The following MPP7 variants were observed in gnomAD, a reference collection of about 807,000 sequenced individuals.
MPP7 encodes MAGUK p55 subfamily member 7.
In MPP7, 60 loss-of-function variants were observed where a neutral mutation model predicts 76.5. The ratio of observed to expected loss-of-function variants is 0.78; its 90% CI spans 0.64 to 0.97. The LOEUF (loss-of-function observed/expected upper bound fraction) is 0.97, where lower values mean the gene tolerates loss of function less well. Among genes scored for constraint, MPP7 ranks in the 50% least tolerant of loss-of-function variants. MPP7 has a pLI of 0.00. For missense variants in MPP7, 641 were observed against 694.0 expected, an observed-to-expected ratio of 0.92 and a Z score of 0.86; for synonymous variants, 237 against 244.5, an observed-to-expected ratio of 0.97 and a Z score of 0.29.
intron 8 of MPP7, among the ~76,000 whole-genome samples, chr10:28,122,033 T>G (rs1834858965): frequency 6.6e-6 from 1 of 152,196 alleles, no homozygotes; most frequent in South Asian, 2.1e-4. Context: ...TAATAGAATT[T>G]TATAAAGGGT....
chr10:28,118,536 C>G (rs56141811), intron 11 of MPP7: 66,870 of 985,306 alleles, frequency 0.068, 2,437 homozygotes, highest in Non-Finnish European at 0.075. Context: ...AGCCTCAAAG[C>G]TCCTTTCTGT....
At chr10:28,057,561 C>T in intron 15 of MPP7, 1 of 310,218 alleles carries the variant, frequency 3.2e-6, no homozygotes, top group South Asian at 1.3e-4. Context: ...ATGCCAGCAT[C>T]ACGCTTCCTG....
intron 3 of MPP7, among the ~76,000 whole-genome samples, chr10:28,194,336 C>G (rs954107624): frequency 3.0e-4 from 45 of 152,170 alleles, no homozygotes; most frequent in African/African-American, 1.0e-3. Context: ...AAAAGCTAGT[C>G]TTACCACATG....
At chr10:28,204,825 G>A (rs1345913798) in intron 2 of MPP7, among the ~76,000 whole-genome samples, 1 of 152,116 alleles carries the variant, frequency 6.6e-6, no homozygotes, top group Admixed American at 6.5e-5. Context: ...CAATTCAATG[G>A]TTCAAAGTCA....
chr10:28,279,592 C>A (rs1359783376), intron 1 of MPP7, among the ~76,000 whole-genome samples: 5 of 151,686 alleles, frequency 3.3e-5, no homozygotes, highest in African/African-American at 1.2e-4. Flanking sequence ...ATAATCCCAG[C>A]AACTCAGGAG....
At chr10:28,131,305 G>A (rs1835183171) in intron 6 of MPP7, among the ~76,000 whole-genome samples, 1 of 152,052 alleles carries the variant, frequency 6.6e-6, no homozygotes, top group Non-Finnish European at 1.5e-5. Flanking sequence ...AACCATGCTT[G>A]GTACATGTTA....
chr10:28,201,911 T>C lies in MPP7; in HGVS notation c.156+242A>G, dbSNP rs183111504. On this transcript the variant is annotated intron_variant, in intron 3 of 16. Coordinates refer to ENST00000683449, the MANE Select transcript of MPP7 (RefSeq NM_001318170.2). ...TCCTGCTACTATTTCATATTCTTTC[T>C]CTAAACAAGGGGGTGACCACATGGT... 1.4e-3 allele frequency among the ~76,000 whole-genome samples: 214 copies of C among 152,330 alleles called. 1 individual carries two copies. Among genetic ancestry groups the C allele is most frequent in the African/African-American group, 5.0e-3 (208 of 41,582 alleles).
At chr10:28,147,230 A>C (rs922408376) in intron 5 of MPP7, among the ~76,000 whole-genome samples, 2 of 152,212 alleles carry the variant, frequency 1.3e-5, no homozygotes, top group Admixed American at 1.3e-4. Context: ...TTTACTTAAA[A>C]CAAAAATGAC....
intron 1 of MPP7, among the ~76,000 whole-genome samples, chr10:28,262,160 A>G: frequency 7.2e-6 from 1 of 139,588 alleles, no homozygotes; most frequent in Admixed American, 7.4e-5. Context: ...AAAAAAAAGA[A>G]AAAGGAAATA....
chr10:28,147,613 G>A (rs779799562), intron 4 of MPP7, 50 bp from the exon 5 acceptor site: 3 of 1,502,160 alleles, frequency 2.0e-6, no homozygotes, highest in South Asian at 1.1e-5. Flanking sequence ...AGAGCATTGT[G>A]GGATTGGGTG....
chr10:28,056,398 A>G, intron 16 of MPP7, 82 bp downstream of exon 16: 2 of 1,416,316 alleles, frequency 1.4e-6, no homozygotes, highest in East Asian at 2.5e-5. Context: ...GACTCAAATG[A>G]TCCTCCTGCT....
intron 2 of MPP7, among the ~76,000 whole-genome samples, chr10:28,209,154 T>C (rs984161952): frequency 1.1e-4 from 17 of 152,172 alleles, no homozygotes; most frequent in African/African-American, 4.1e-4. Context: ...GAGCCAATTA[T>C]ACTTCTTTTC....
At chr10:28,306,778 A>G (rs192816539), upstream of MPP7, among the ~76,000 whole-genome samples, 197 of 152,320 alleles carry the variant, frequency 1.3e-3, no homozygotes, top group African/African-American at 4.5e-3. Flanking sequence ...AGATAGATGT[A>G]TAATAGAACC....
intron 5 of MPP7, among the ~76,000 whole-genome samples, chr10:28,136,252 T>C (rs974305362): frequency 6.6e-6 from 1 of 152,010 alleles, no homozygotes; most frequent in Non-Finnish European, 1.5e-5. Flanking sequence ...ACAAATGTAA[T>C]ACACTTGAAT....
chr10:28,238,637 C>A lies in MPP7; in HGVS notation c.-33G>T. The A allele has an allele frequency of 6.2e-7, 1 of 1,613,608 alleles. No individual in the cohort carries two copies. Among genetic ancestry groups the A allele is most frequent in the Middle Eastern group, 1.7e-4 (1 of 6,056 alleles). On this transcript the variant is annotated 5_prime_UTR_variant, in exon 2 of 17. Transcript: ENST00000683449. ...GGTGTAGGAACAGGTCAGCCCACCGCTCTCCGGACACCCTGCCTTCGGACA... is the reference window on the plus strand; with the variant it reads ...GGTGTAGGAACAGGTCAGCCCACCGATCTCCGGACACCCTGCCTTCGGACA...
intron 1 of MPP7, among the ~76,000 whole-genome samples, chr10:28,290,338 T>C (rs1023529951): frequency 3.1e-4 from 47 of 150,296 alleles, no homozygotes; most frequent in African/African-American, 1.1e-3. Flanking sequence ...TATACTAAAC[T>C]GGAGGAAAGA....
intron 1 of MPP7, among the ~76,000 whole-genome samples, chr10:28,249,502 T>C (rs1430716859): frequency 6.6e-6 from 1 of 152,144 alleles, no homozygotes; most frequent in Non-Finnish European, 1.5e-5. Flanking sequence ...GGCAGGAGAA[T>C]TGCTTGAACC....
chr10:28,265,479 A>T (rs888221504), intron 1 of MPP7, among the ~76,000 whole-genome samples: 2 of 152,102 alleles, frequency 1.3e-5, no homozygotes, highest in Non-Finnish European at 2.9e-5. Context: ...GGATTGCTTG[A>T]GTCCAGGGGG....
intron 3 of MPP7, among the ~76,000 whole-genome samples, chr10:28,158,190 T>A (rs1361025306): frequency 6.6e-6 from 1 of 152,116 alleles, no homozygotes; most frequent in African/African-American, 2.4e-5. Context: ...TCCCCAAAGC[T>A]GAGGAAAAAG....
Sources: gnomAD v4.1 joint callset for allele counts (sites outside exome capture counted in the v4.1 genomes callset) on GRCh38, gnomAD v4.1.1 for gene constraint, MANE v1.5 for transcripts, NCBI Gene and HGNC (gene_info 2026-07-23, HGNC 2026-07-21) for gene names.